Variants in MGAT4C observed in about 807,000 individuals in gnomAD.
The protein encoded by MGAT4C is MGAT4 family member C.
MGAT4C carries 19 observed loss-of-function variants against 40.1 expected under a neutral mutation model. The observed-to-expected ratio is 0.47, with a 90% CI of 0.33 to 0.70. MGAT4C has a LOEUF of 0.70. MGAT4C is among the 30% of genes least tolerant of loss of function. The probability of loss-of-function intolerance (pLI) is 0.02; values close to 1 mark genes in which losing one functional copy is unlikely to be tolerated. For missense variants in MGAT4C, 491 were observed against 563.2 expected (o/e 0.87, Z 1.30); for synonymous variants, 181 against 187.1 (o/e 0.97, Z 0.27).
At chr12:86,644,993 G>A (rs1963498018) in intron 2 of MGAT4C, among the ~76,000 whole-genome samples, 1 of 151,530 alleles carries the variant, frequency 6.6e-6, no homozygotes. Flanking sequence ...TCTTTTGTAT[G>A]TTGTGCTTCC....
At chr12:86,492,919 G>C (rs1402472863) in intron 2 of MGAT4C, among the ~76,000 whole-genome samples, 1 of 152,024 alleles carries the variant, frequency 6.6e-6, no homozygotes, top group African/African-American at 2.4e-5. Context: ...CTAATATCCA[G>C]AACCTACAAT....
At chr12:86,666,477 C>T (rs1964110271) in intron 2 of MGAT4C, among the ~76,000 whole-genome samples, 1 of 151,998 alleles carries the variant, frequency 6.6e-6, no homozygotes, top group African/African-American at 2.4e-5. Context: ...GGCATTTCAT[C>T]ACTTGCTCTT....
At chr12:86,248,438 TC>T (rs1952133691) in intron 1 of MGAT4C, among the ~76,000 whole-genome samples, 1 of 151,994 alleles carries the variant, frequency 6.6e-6, no homozygotes, top group Non-Finnish European at 1.5e-5. Context: ...TTTCTATATC[TC>T]CACCTCCCTA....
Position 85,983,637 on chromosome 12 carries a change from T to G in MGAT4C, c.181A>C (p.Thr61Pro). 1 of 1,596,012 alleles carries G rather than the reference T, an allele frequency of 6.3e-7. No homozygotes were observed. Among genetic ancestry groups the G allele is most frequent in the Non-Finnish European group, 8.5e-7 (1 of 1,172,130 alleles). Reference protein sequence around the residue: ...GDKQLIRETSTHQLNSERYVH... With the variant: ...GDKQLIRETSPHQLNSERYVH... ...TAGCGTTCTGAATTCAGTTGATGTG[T>G]GGATGTTTCCCTTATAAGTTGTTTG... Residue 61 changes from threonine to proline, a missense_variant, in exon 4 of 5, where the codon ACA (threonine) becomes CCA (proline). Thr to Pro is a conservative substitution (Grantham distance 38). Coordinates refer to ENST00000611864, the MANE Select transcript of MGAT4C (RefSeq NM_001351288.2).
At chr12:86,038,289 C>T (rs891467970) in intron 2 of MGAT4C, among the ~76,000 whole-genome samples, 4 of 149,576 alleles carry the variant, frequency 2.7e-5, no homozygotes, top group East Asian at 1.9e-4. Context: ...ATGCCACGAG[C>T]GGTTTATGCC....
At chr12:86,078,115 C>G (rs529011778) in intron 1 of MGAT4C, among the ~76,000 whole-genome samples, 1 of 152,090 alleles carries the variant, frequency 6.6e-6, no homozygotes, top group Non-Finnish European at 1.5e-5. Flanking sequence ...CACCTCCACC[C>G]CTTGATTCCT....
At chr12:86,742,746 G>A (rs968046438) in intron 1 of MGAT4C, among the ~76,000 whole-genome samples, 1 of 151,424 alleles carries the variant, frequency 6.6e-6, no homozygotes, top group African/African-American at 2.4e-5. Context: ...TATATTCAGA[G>A]CCTCTTAATA....
intron 2 of MGAT4C, among the ~76,000 whole-genome samples, chr12:86,664,132 A>T (rs1320012057): frequency 6.9e-6 from 1 of 145,600 alleles, no homozygotes; most frequent in Non-Finnish European, 1.5e-5. Flanking sequence ...TGCACAGTCA[A>T]TTTTTTTTTT....
At chr12:86,838,340 T>C (rs1953082713) in intron 1 of MGAT4C, among the ~76,000 whole-genome samples, 1 of 152,180 alleles carries the variant, frequency 6.6e-6, no homozygotes, top group Non-Finnish European at 1.5e-5. Context: ...GTTTCCAAAG[T>C]ACATATTTTT....
chr12:86,486,376 GCACACACACACACACACACACACACACA>G (rs59222713), intron 2 of MGAT4C, among the ~76,000 whole-genome samples: 1 of 139,988 alleles, frequency 7.1e-6, no homozygotes, highest in Non-Finnish European at 1.5e-5. Context: ...GATCTATCAT[GCACACACACACACACACACACACACACA>G]CACACACACA....
At chr12:86,065,005 T>C (rs982892607) in intron 1 of MGAT4C, among the ~76,000 whole-genome samples, 4 of 152,184 alleles carry the variant, frequency 2.6e-5, no homozygotes, top group Middle Eastern at 3.4e-3. Context: ...CCCAAGTCTA[T>C]ACCAGGAAGA....
Position 85,980,146 on chromosome 12 carries a change from C to G in MGAT4C, c.580G>C (p.Asp194His). ...GLKRNYNDPE[D>H]RVKFRSKQNV... Reference sequence around the variant, plus strand: ...TGCTTGGAACGAAATTTGACTCTATCTTCTGGATCATTGTAATTTCTTTTA... The same window carrying G: ...TGCTTGGAACGAAATTTGACTCTATGTTCTGGATCATTGTAATTTCTTTTA... The change falls in exon 5 of 5, where the codon GAT becomes CAT. Residue 194 changes from aspartate to histidine, a missense_variant. Physicochemically the swap from Asp to His is moderately conservative, Grantham distance 81 (BLOSUM62 -1). Transcript: ENST00000611864. 6.2e-7 allele frequency: 1 copy of G among 1,613,946 alleles called. No individual in the cohort carries two copies. The highest frequency in any genetic ancestry group is 8.5e-7 in the Non-Finnish European group (1 of 1,179,896).
At chr12:86,455,210 T>C (rs1957490351) in intron 2 of MGAT4C, among the ~76,000 whole-genome samples, 1 of 152,130 alleles carries the variant, frequency 6.6e-6, no homozygotes, top group East Asian at 1.9e-4. Flanking sequence ...TATCAAATAA[T>C]TCAGCAATAT....
chr12:86,556,286 CTT>C (rs1411233979), intron 2 of MGAT4C, among the ~76,000 whole-genome samples: 1 of 152,118 alleles, frequency 6.6e-6, no homozygotes, highest in African/African-American at 2.4e-5. Context: ...AAGAATAAAA[CTT>C]AATATTTGTT....
chr12:86,453,513 G>A (rs777922051), intron 2 of MGAT4C, among the ~76,000 whole-genome samples: 1 of 152,048 alleles, frequency 6.6e-6, no homozygotes, highest in Non-Finnish European at 1.5e-5. Context: ...AGTAGGAAGG[G>A]GGTAATTTTT....
intron 4 of MGAT4C, among the ~76,000 whole-genome samples, chr12:86,295,077 T>C (rs1242111284): frequency 6.6e-6 from 1 of 152,184 alleles, no homozygotes; most frequent in South Asian, 2.1e-4. Context: ...GGTCCTATAA[T>C]AATAATGCCT....
chr12:86,026,542 A>G (rs571930026), intron 2 of MGAT4C, among the ~76,000 whole-genome samples: 1 of 152,066 alleles, frequency 6.6e-6, no homozygotes, highest in African/African-American at 2.4e-5. Context: ...AGTTCCAAAT[A>G]CTATCTTACA....
intron 3 of MGAT4C, among the ~76,000 whole-genome samples, chr12:86,381,665 A>T (rs1482734038): frequency 1.3e-5 from 2 of 152,184 alleles, no homozygotes; most frequent in African/African-American, 4.8e-5. Flanking sequence ...CGTTAATCCA[A>T]TCAAACTGAC....
At chr12:86,650,190 G>C (rs1241140209) in intron 2 of MGAT4C, among the ~76,000 whole-genome samples, 2 of 151,696 alleles carry the variant, frequency 1.3e-5, no homozygotes, top group Non-Finnish European at 2.9e-5. Context: ...TTTGGAAAAA[G>C]AAAAAAATTA....
Sources: gnomAD v4.1 joint callset for allele counts (sites outside exome capture counted in the v4.1 genomes callset) on GRCh38, gnomAD v4.1.1 for gene constraint, MANE v1.5 for transcripts, NCBI Gene and HGNC (gene_info 2026-07-23, HGNC 2026-07-21) for gene names.